The following KIAA1549 variants were observed in gnomAD, a reference collection of about 807,000 sequenced individuals.
The protein encoded by KIAA1549 is KIAA1549.
A neutral mutation model predicts 156.4 loss-of-function variants in KIAA1549; 70 were observed. The observed-to-expected ratio is 0.45, with a 90% confidence interval of 0.37 to 0.55. The LOEUF is 0.55. Ranked by LOEUF, KIAA1549 falls within the 20% of genes least tolerant of loss-of-function variation. The probability of loss-of-function intolerance (pLI) is 0.00; values close to 1 mark genes in which losing one functional copy is unlikely to be tolerated. For synonymous variants in KIAA1549, 1,103 were observed against 1,066.4 expected (o/e 1.03, Z -0.67); for missense variants, 2,428 against 2,540.9 (o/e 0.96, Z 0.96).
At chr7:138,926,698 A>G (rs931363944) in intron 1 of KIAA1549, among the ~76,000 whole-genome samples, 3 of 152,138 alleles carry the variant, frequency 2.0e-5, no homozygotes, top group Non-Finnish European at 2.9e-5. Context: ...GTTTAGAAAA[A>G]AGTGTCTTCC....
chr7:138,927,417 A>G (rs1042702135), intron 1 of KIAA1549, among the ~76,000 whole-genome samples: 2 of 152,236 alleles, frequency 1.3e-5, no homozygotes, highest in Non-Finnish European at 2.9e-5. Context: ...AGGTGGGCAG[A>G]TCACAAGGTC....
At chr7:138,953,768 A>T (rs71543311) in intron 1 of KIAA1549, among the ~76,000 whole-genome samples, 1 of 152,244 alleles carries the variant, frequency 6.6e-6, no homozygotes, top group Non-Finnish European at 1.5e-5. Flanking sequence ...TATCTTCCAT[A>T]CAATACAAAT....
intron 1 of KIAA1549, among the ~76,000 whole-genome samples, chr7:138,929,667 G>C (rs1453296095): frequency 2.0e-5 from 3 of 152,108 alleles, no homozygotes; most frequent in Non-Finnish European, 2.9e-5. Flanking sequence ...ATAGCCTTAT[G>C]AAATATATTT....
At chr7:138,890,930 T>TA (rs1329788619) in intron 10 of KIAA1549, among the ~76,000 whole-genome samples, 1 of 152,224 alleles carries the variant, frequency 6.6e-6, no homozygotes, top group Non-Finnish European at 1.5e-5. Context: ...TGCCCTTTTT[T>TA]ATGACCTTTG....
chr7:138,924,147 T>A (rs1812641857), intron 1 of KIAA1549, among the ~76,000 whole-genome samples: 1 of 151,824 alleles, frequency 6.6e-6, no homozygotes, highest in Admixed American at 6.6e-5. Flanking sequence ...ATACTTATTA[T>A]GACCACAGTA....
intron 2 of KIAA1549, among the ~76,000 whole-genome samples, chr7:138,915,540 C>T (rs144825856): frequency 0.012 from 1,882 of 152,190 alleles, 43 homozygotes; most frequent in African/African-American, 0.043. Context: ...TCAGGATCCT[C>T]GCTCCCACCT....
At chr7:138,933,603 A>T (rs978402175) in intron 1 of KIAA1549, among the ~76,000 whole-genome samples, 3 of 152,230 alleles carry the variant, frequency 2.0e-5, no homozygotes, top group Non-Finnish European at 4.4e-5. Context: ...AGATGTTATT[A>T]TTAGGGGAAG....
In KIAA1549 at chr7:138,916,770, G is replaced by A. The variant is rs759460054; in HGVS notation, c.2856C>T (p.Pro952=). The change falls in exon 2 of 20, where the codon CCC becomes CCT. Residue 952 remains proline, a synonymous_variant. Transcript: ENST00000422774. ...KPPYVCDITV[P]DAYLITTVLA... ...TACCAGTTGTGATCAGATAGGCATC[G>A]GGGACTGTGATATCACAAACATATG... 1.2e-5 allele frequency: 19 copies of A among 1,613,896 alleles called. No homozygotes were observed. Among genetic ancestry groups the A allele is most frequent in the Middle Eastern group, 1.7e-4 (1 of 6,060 alleles).
chr7:138,952,811 C>A (rs1813539425), intron 1 of KIAA1549, among the ~76,000 whole-genome samples: 1 of 152,164 alleles, frequency 6.6e-6, no homozygotes, highest in Non-Finnish European at 1.5e-5. Flanking sequence ...TTAAAACAAG[C>A]ATCACCACCC....
chr7:138,865,646 T>C (rs1280520769), intron 15 of KIAA1549, among the ~76,000 whole-genome samples: 4 of 152,152 alleles, frequency 2.6e-5, no homozygotes, highest in Non-Finnish European at 5.9e-5. Flanking sequence ...GGGTGGTGTC[T>C]TCCAGGAAGA....
intron 1 of KIAA1549, among the ~76,000 whole-genome samples, chr7:138,960,299 A>C (rs1302295420): frequency 1.2e-5 from 1 of 85,064 alleles, no homozygotes; most frequent in Non-Finnish European, 2.4e-5. Context: ...TTATTGATTT[A>C]TTGATTTATT....
At chr7:138,854,029 G>C (rs930571885) in intron 16 of KIAA1549, among the ~76,000 whole-genome samples, 1 of 151,982 alleles carries the variant, frequency 6.6e-6, no homozygotes, top group Non-Finnish European at 1.5e-5. Flanking sequence ...ATCAGAAAAA[G>C]AATGTCATAT....
chr7:138,910,536 TAC>T (rs1812138588), intron 4 of KIAA1549, among the ~76,000 whole-genome samples: 1 of 151,904 alleles, frequency 6.6e-6, no homozygotes, highest in South Asian at 2.1e-4. Context: ...TCACTGGGAT[TAC>T]AGGCGTATGC....
intron 1 of KIAA1549, among the ~76,000 whole-genome samples, chr7:138,935,486 A>T (rs1812984340): frequency 1.5e-5 from 2 of 134,972 alleles, no homozygotes; most frequent in South Asian, 4.8e-4. Flanking sequence ...AAGGCAAAAA[A>T]ATTTCTGTCA....
At chr7:138,928,608 A>T (rs1812787369) in intron 1 of KIAA1549, among the ~76,000 whole-genome samples, 2 of 152,226 alleles carry the variant, frequency 1.3e-5, no homozygotes. Flanking sequence ...TTGATGTATA[A>T]ATACACCTTT....
At position 138,832,498 on chromosome 7, in the gene KIAA1549, CT is replaced by C. The variant is rs1809566386; in HGVS notation, c.*5407del. 5.1e-6 allele frequency: 1 copy of C among 197,314 alleles called. No individual in the cohort carries two copies. Among genetic ancestry groups the C allele is most frequent in the Non-Finnish European group, 1.1e-5 (1 of 95,228 alleles). 12.2% of individuals were successfully genotyped at this position (197,314 alleles called of 1,614,324 possible). On this transcript the variant is annotated 3_prime_UTR_variant, in exon 20 of 20. Transcript: ENST00000422774. ...AGAGGCTTGAGCCACCATGCCCAGCCTATTCACTCTTTCTTTAGAAATGTGA... is the reference window on the plus strand; with the variant it reads ...AGAGGCTTGAGCCACCATGCCCAGCCATTCACTCTTTCTTTAGAAATGTGA...
intron 17 of KIAA1549, among the ~76,000 whole-genome samples, chr7:138,847,709 G>C (rs750704370): frequency 3.3e-5 from 5 of 152,144 alleles, no homozygotes; most frequent in Non-Finnish European, 5.9e-5. Context: ...CAAAGTGTCT[G>C]GGCTATTCTT....
chr7:138,894,569 C>T (rs746148996), intron 9 of KIAA1549, 43 bp from the exon 10 acceptor site: 1 of 1,592,232 alleles, frequency 6.3e-7, no homozygotes, highest in African/African-American at 1.3e-5. Context: ...TCCTTCTTCA[C>T]TCATGCACTA....
chr7:138,947,675 T>C (rs1048183095), intron 1 of KIAA1549, among the ~76,000 whole-genome samples: 4 of 152,192 alleles, frequency 2.6e-5, no homozygotes, highest in African/African-American at 9.7e-5. Flanking sequence ...AAAACCAAAC[T>C]TTTCTGAGAT....
Sources: gnomAD v4.1 joint callset for allele counts (sites outside exome capture counted in the v4.1 genomes callset) on GRCh38, gnomAD v4.1.1 for gene constraint, MANE v1.5 for transcripts, NCBI Gene and HGNC (gene_info 2026-07-23, HGNC 2026-07-21) for gene names.